CEBPZOS: variants seen among roughly 807,000 people sequenced by gnomAD.
CEBPZOS encodes the protein protein CEBPZOS.
Under a neutral mutation model 4.8 loss-of-function variants are expected in CEBPZOS, and 10 were observed. The observed-to-expected ratio is 2.07, with a 90% CI of 1.28 to 3.52. CEBPZOS has a LOEUF of 3.52. Ranked by LOEUF, CEBPZOS falls within the 30% of genes most tolerant of loss-of-function variation. The probability of loss-of-function intolerance (pLI) is 0.00; values close to 1 mark genes in which losing one functional copy is unlikely to be tolerated. For missense variants in CEBPZOS, 98 were observed against 43.6 expected (o/e 2.25, Z -3.51); for synonymous variants, 25 against 14.2 (o/e 1.77, Z -1.72).
In CEBPZOS at chr2:37,210,817, A is replaced by G. The variant is rs578187801; in HGVS notation, c.*3-2620A>G. 7.2e-5 allele frequency: 35 copies of G among 484,798 alleles called. No individual in the cohort carries two copies. In the South Asian group the frequency reaches 1.1e-3, roughly 16 times the overall value. 30.0% of individuals were successfully genotyped at this position (484,798 alleles called of 1,614,324 possible). The stretch of plus-strand genomic sequence containing the variant: ...GTGAATGAAAAGATGATCCAGAGAT[A>G]TCTGAATGCGAGAAACAATTCAAAA... On this transcript the variant is annotated intron_variant, in intron 4 of 4. Transcript: ENST00000397064.
chr2:37,202,824 A>G lies in CEBPZOS; in HGVS notation c.*964A>G. 1 of 1,600,656 alleles carries G rather than the reference A, an allele frequency of 6.2e-7. No individual in the cohort carries two copies. The highest frequency in any genetic ancestry group is 8.5e-7 in the Non-Finnish European group (1 of 1,174,016). ...TAGCCATGGCATTCATGCCAATGTT[A>G]TCAAACTTGGATCCCATATTTTCAT... On this transcript the variant is annotated 3_prime_UTR_variant, in exon 5 of 5. Transcript: ENST00000402297.
At chr2:37,209,018 A>T (rs927662353), downstream of CEBPZOS, 2 of 148,292 alleles carry the variant, frequency 1.3e-5, no homozygotes, top group Non-Finnish European at 3.0e-5. Flanking sequence ...GAATCAAATC[A>T]ATTACTCTAC....
downstream of CEBPZOS, among the ~76,000 whole-genome samples, chr2:37,214,400 G>T (rs1677819528): frequency 6.6e-6 from 1 of 152,094 alleles, no homozygotes; most frequent in South Asian, 2.1e-4. Context: ...ACAGTGCACT[G>T]AATCCATTCT....
downstream of CEBPZOS, among the ~76,000 whole-genome samples, chr2:37,207,423 A>C (rs939924092): frequency 2.0e-5 from 3 of 152,214 alleles, no homozygotes; most frequent in Non-Finnish European, 4.4e-5. Context: ...GTCTCAATAA[A>C]CTTAAGAAAA....
intron 4 of CEBPZOS, chr2:37,211,745 A>T: frequency 2.4e-6 from 2 of 831,588 alleles, no homozygotes; most frequent in Non-Finnish European, 3.6e-6. Flanking sequence ...TATTAATTTG[A>T]ATACAGGGCT....
downstream of CEBPZOS, among the ~76,000 whole-genome samples, chr2:37,206,995 A>G (rs1244397284): frequency 6.6e-6 from 1 of 152,204 alleles, no homozygotes; most frequent in Non-Finnish European, 1.5e-5. Flanking sequence ...AGCAAGCAGG[A>G]CTAGCTATTC....
intron 1 of CEBPZOS, 126 bp from the exon 2 acceptor site, chr2:37,199,578 T>C (rs1393364705): frequency 1.7e-6 from 1 of 583,390 alleles, no homozygotes; most frequent in Non-Finnish European, 3.1e-6. Context: ...TATACCATAG[T>C]ATTGGTCTTA....
chr2:37,207,636 G>C (rs150702468), downstream of CEBPZOS, among the ~76,000 whole-genome samples: 21 of 152,114 alleles, frequency 1.4e-4, no homozygotes, highest in African/African-American at 5.1e-4. Flanking sequence ...AAAACCTCTG[G>C]GATACAGCAA....
intron 1 of CEBPZOS, among the ~76,000 whole-genome samples, chr2:37,197,925 C>T (rs1677028325): frequency 6.6e-6 from 1 of 152,166 alleles, no homozygotes; most frequent in African/African-American, 2.4e-5. Context: ...CTTTGGGAGG[C>T]CGAGGCCTGT....
At chr2:37,207,753 C>A (rs1419719242), downstream of CEBPZOS, among the ~76,000 whole-genome samples, 1 of 152,048 alleles carries the variant, frequency 6.6e-6, no homozygotes, top group Non-Finnish European at 1.5e-5. Flanking sequence ...ACTAGAGAAA[C>A]AAGAACAAAT....
At chr2:37,214,308 G>T (rs2148352150), downstream of CEBPZOS, among the ~76,000 whole-genome samples, 1 of 152,096 alleles carries the variant, frequency 6.6e-6, no homozygotes, top group East Asian at 1.9e-4. Flanking sequence ...TAATTAACCA[G>T]TCAACCAGAT....
At chr2:37,207,845 T>C (rs532051939), downstream of CEBPZOS, among the ~76,000 whole-genome samples, 1 of 151,774 alleles carries the variant, frequency 6.6e-6, no homozygotes, top group African/African-American at 2.4e-5. Context: ...CTACAAAAGA[T>C]AAATGAAACA....
rs756236129 is a variant in CEBPZOS at position 37,201,887 on chromosome 2, T to C, written c.*27T>C. 1.2e-6 allele frequency: 2 copies of C among 1,613,834 alleles called. No individual in the cohort carries two copies. Among genetic ancestry groups the C allele is most frequent in the South Asian group, 1.1e-5 (1 of 91,028 alleles). The stretch of plus-strand genomic sequence containing the variant: ...GCCAGTCATCACGTTCAGCCTCCCA[T>C]CTAAGCTGTTTGAGACCTTTGAGAG... On this transcript the variant is annotated 3_prime_UTR_variant, in exon 5 of 5. Coordinates refer to ENST00000402297, the MANE Select transcript of CEBPZOS (RefSeq NM_001322374.2).
chr2:37,207,917 AAAG>A (rs1677593283), downstream of CEBPZOS, among the ~76,000 whole-genome samples: 1 of 152,196 alleles, frequency 6.6e-6, no homozygotes, highest in Non-Finnish European at 1.5e-5. Flanking sequence ...TTAACCAAAA[AAAG>A]AAGAGAGAAG....
chr2:37,201,006 TTC>T, intron 2 of CEBPZOS, 40 bp from the exon 3 acceptor site: 1 of 712,736 alleles, frequency 1.4e-6, no homozygotes, highest in South Asian at 1.5e-5. Flanking sequence ...TATAATGAAT[TTC>T]TGTTCATATC....
At chr2:37,199,662 G>T (rs1471308450) in intron 1 of CEBPZOS, 42 bp from the exon 2 acceptor site, 1 of 700,224 alleles carries the variant, frequency 1.4e-6, no homozygotes, top group Non-Finnish European at 2.7e-6. Context: ...AGTAGTTTAA[G>T]TATGTTCATT....
chr2:37,215,104 C>A, downstream of CEBPZOS: 1 of 597,412 alleles, frequency 1.7e-6, no homozygotes, highest in Non-Finnish European at 3.0e-6. Flanking sequence ...GTGCAAGGGA[C>A]AATCTCTGAA....
In CEBPZOS at chr2:37,211,289, T is replaced by C. The variant is rs183451635; in HGVS notation, c.*3-2148T>C. On this transcript the variant is annotated intron_variant, in intron 4 of 4. Transcript: ENST00000397064. ...GCACAGTTCTAATATTTTGTGCAAG[T>C]ACAAAATTTTCTAAATAGCTTCATT... 4 of 383,118 alleles carry C rather than the reference T, an allele frequency of 1.0e-5. No homozygotes were observed. In the East Asian group the frequency reaches 1.5e-4, roughly 15 times the overall value. 23.7% of individuals were successfully genotyped at this position (383,118 alleles called of 1,614,324 possible).
intron 4 of CEBPZOS, chr2:37,211,706 G>C (rs187691765): frequency 1.6e-6 from 1 of 617,178 alleles, no homozygotes; most frequent in Non-Finnish European, 2.7e-6. Context: ...GAAGGGAAAA[G>C]GTCCTTTTAA....
Sources: allele counts gnomAD v4.1 joint callset (sites outside exome capture counted in the v4.1 genomes callset), GRCh38; gene constraint gnomAD v4.1.1; transcripts MANE v1.5; gene names NCBI Gene and HGNC (gene_info 2026-07-23, HGNC 2026-07-21).